The following NEK7 variants were observed in gnomAD, a reference collection of about 807,000 sequenced individuals.
NEK7 encodes the protein serine/threonine-protein kinase Nek7.
NEK7 carries 18 observed loss-of-function variants against 44.6 expected under a neutral mutation model. The observed-to-expected ratio is 0.40, with a 90% CI of 0.28 to 0.60. The LOEUF is 0.60. NEK7 is among the 20% of genes least tolerant of loss of function. The pLI, the probability that NEK7 is intolerant of heterozygous loss-of-function variation, is 0.38. For synonymous variants in NEK7, 130 were observed against 121.1 expected, an observed-to-expected ratio of 1.07 and a Z score of -0.48; for missense variants, 256 against 366.5, an observed-to-expected ratio of 0.70 and a Z score of 2.46.
chr1:198,180,483 A>T (rs940663994), intron 1 of NEK7, among the ~76,000 whole-genome samples: 1 of 152,026 alleles, frequency 6.6e-6, no homozygotes, highest in African/African-American at 2.4e-5. Context: ...CACTTGACAG[A>T]TGGTATAGGA....
chr1:198,223,581 G>C (rs566659021), intron 1 of NEK7, among the ~76,000 whole-genome samples: 2 of 152,276 alleles, frequency 1.3e-5, no homozygotes, highest in East Asian at 1.9e-4. Flanking sequence ...CCGTTTTCAT[G>C]GAACACCATG....
chr1:198,291,678 C>T (rs769260072), intron 7 of NEK7, among the ~76,000 whole-genome samples: 11 of 151,734 alleles, frequency 7.2e-5, no homozygotes, highest in Non-Finnish European at 1.5e-4. Context: ...TTCATAAATA[C>T]TTTTCTTTCA....
chr1:198,243,827 T>A (rs1251014869), intron 2 of NEK7, among the ~76,000 whole-genome samples: 8 of 152,046 alleles, frequency 5.3e-5, no homozygotes, highest in Non-Finnish European at 2.9e-5. Context: ...GTTAAAAAAT[T>A]TAGGGAGATA....
intron 7 of NEK7, among the ~76,000 whole-genome samples, chr1:198,283,332 A>G (rs1479252593): frequency 6.6e-6 from 1 of 152,084 alleles, no homozygotes; most frequent in African/African-American, 2.4e-5. Flanking sequence ...GTGTCCTGCG[A>G]GTCTGCATCT....
At chr1:198,218,085 A>G (rs1665977034) in intron 1 of NEK7, among the ~76,000 whole-genome samples, 1 of 152,012 alleles carries the variant, frequency 6.6e-6, no homozygotes, top group African/African-American at 2.4e-5. Flanking sequence ...TCAAATTTAT[A>G]TGGAACCAAA....
intron 9 of NEK7, among the ~76,000 whole-genome samples, chr1:198,304,539 C>G (rs1046642487): frequency 2.0e-5 from 3 of 152,064 alleles, no homozygotes; most frequent in African/African-American, 7.2e-5. Context: ...GAAAAAGAAA[C>G]AGTACCAATA....
chr1:198,177,473 A>G (rs564466663), intron 1 of NEK7, among the ~76,000 whole-genome samples: 9 of 152,108 alleles, frequency 5.9e-5, no homozygotes, highest in Non-Finnish European at 8.8e-5. Flanking sequence ...TTCAGAGACA[A>G]TGTATCACAT....
Position 198,285,176 on chromosome 1 carries a change from C to G in NEK7, c.589+6115C>G, listed in dbSNP as rs1282667012. On this transcript the variant is annotated intron_variant, in intron 7 of 9. Transcript: ENST00000367385. ...GCTTTGTATGTATTGTCTCTCCCAG[C>G]GAAATGTAAGTTTTATGAGGACAGA... Among the ~76,000 whole-genome samples, 3 of 151,868 alleles carry G rather than the reference C, an allele frequency of 2.0e-5. No homozygotes were observed. The East Asian group carries it at 5.8e-4, about 29-fold the overall frequency.
At chr1:198,184,764 G>T (rs1664868522) in intron 1 of NEK7, among the ~76,000 whole-genome samples, 1 of 152,088 alleles carries the variant, frequency 6.6e-6, no homozygotes, top group African/African-American at 2.4e-5. Flanking sequence ...GAACTCCAGG[G>T]CTGAAGTGGT....
Position 198,286,575 on chromosome 1 carries a change from A to G in NEK7, c.590-6370A>G, listed in dbSNP as rs371441160. On this transcript the variant is annotated intron_variant, in intron 7 of 9. Coordinates refer to ENST00000367385, the MANE Select transcript of NEK7 (RefSeq NM_133494.3). ...ATTAACACGTTTGTATTTATTTTCA[A>G]TTGCTGCCCTAACACATTACCAAAA... Among the ~76,000 whole-genome samples, 28 of 152,248 alleles carry G rather than the reference A, an allele frequency of 1.8e-4. 1 individual carries two copies. In the South Asian group the frequency reaches 4.8e-3, roughly 26 times the overall value.
chr1:198,256,572 G>C, intron 3 of NEK7: 9 of 1,402,314 alleles, frequency 6.4e-6, no homozygotes, highest in Non-Finnish European at 8.5e-6. Context: ...CTTCTTCAGT[G>C]CTTCCCTTCC....
chr1:198,223,378 G>A (rs115054393), intron 1 of NEK7, among the ~76,000 whole-genome samples: 3,768 of 152,182 alleles, frequency 0.025, 71 homozygotes, highest in African/African-American at 0.047. Flanking sequence ...TTGGATGTAG[G>A]GAGCAAGTTT....
intron 1 of NEK7, among the ~76,000 whole-genome samples, chr1:198,192,389 T>G (rs1035759231): frequency 6.6e-6 from 1 of 152,168 alleles, no homozygotes; most frequent in African/African-American, 2.4e-5. Flanking sequence ...GTTTTCTATT[T>G]TCTCTATTTC....
At chr1:198,184,633 T>C (rs1033616476) in intron 1 of NEK7, among the ~76,000 whole-genome samples, 2 of 152,130 alleles carry the variant, frequency 1.3e-5, no homozygotes, top group Non-Finnish European at 2.9e-5. Flanking sequence ...GCAACAACAG[T>C]AACAGCAAGA....
At chr1:198,281,961 C>G (rs1334342784) in intron 7 of NEK7, among the ~76,000 whole-genome samples, 1 of 151,964 alleles carries the variant, frequency 6.6e-6, no homozygotes, top group East Asian at 1.9e-4. Context: ...GTAGTAATTC[C>G]TTTAATATAA....
chr1:198,166,361 C>G (rs1302518683), intron 1 of NEK7, among the ~76,000 whole-genome samples: 1 of 152,332 alleles, frequency 6.6e-6, no homozygotes, highest in Admixed American at 6.5e-5. Context: ...TAATTTCCTT[C>G]AAGAACTTCT....
intron 2 of NEK7, among the ~76,000 whole-genome samples, chr1:198,240,091 G>T (rs187900101): frequency 6.6e-6 from 1 of 152,132 alleles, no homozygotes; most frequent in African/African-American, 2.4e-5. Flanking sequence ...ATTAGATGGC[G>T]CATGACTGTA....
intron 7 of NEK7, among the ~76,000 whole-genome samples, chr1:198,281,032 A>G (rs1654179489): frequency 6.6e-6 from 1 of 151,886 alleles, no homozygotes; most frequent in African/African-American, 2.4e-5. Context: ...TGATTGTTTA[A>G]AACTAAAGTT....
intron 6 of NEK7, 23 bp from the exon 7 acceptor site, chr1:198,278,931 C>T (rs1453545843): frequency 1.6e-6 from 2 of 1,278,750 alleles, no homozygotes; most frequent in Non-Finnish European, 2.3e-6. Context: ...CATCTTTTAC[C>T]TGATCCCTTC....
Sources: gnomAD v4.1 joint callset for allele counts (sites outside exome capture counted in the v4.1 genomes callset) on GRCh38, gnomAD v4.1.1 for gene constraint, MANE v1.5 for transcripts, NCBI Gene and HGNC (gene_info 2026-07-23, HGNC 2026-07-21) for gene names.